The following ADPRHL1 variants were observed in gnomAD, a reference collection of about 807,000 sequenced individuals.
The protein encoded by ADPRHL1 is ADP-ribosylhydrolase like 1.
Under a neutral mutation model 44.1 loss-of-function variants are expected in ADPRHL1, and 43 were observed. The observed-to-expected ratio is 0.98, with a 90% CI of 0.76 to 1.26. ADPRHL1 has a LOEUF of 1.26. Ranked by LOEUF, ADPRHL1 falls within the 50% of genes most tolerant of loss-of-function variation. The pLI, the probability that ADPRHL1 is intolerant of heterozygous loss-of-function variation, is 0.00. For synonymous variants in ADPRHL1, 878 were observed against 1,017.4 expected, an observed-to-expected ratio of 0.86 and a Z score of 2.61; for missense variants, 2,022 against 2,496.9, an observed-to-expected ratio of 0.81 and a Z score of 4.05.
intron 2 of ADPRHL1, among the ~76,000 whole-genome samples, chr13:113,434,970 C>G (rs1595550794): frequency 8.0e-6 from 1 of 124,588 alleles, no homozygotes; most frequent in Non-Finnish European, 1.7e-5. Context: ...TACCCCGGGA[C>G]CCGGCACCCA....
Position 113,453,349 on chromosome 13 carries a change from C to T in ADPRHL1, c.89G>A (p.Gly30Asp), listed in dbSNP as rs2044190721. The change falls in exon 1 of 8, where the codon GGC (glycine) becomes GAC (aspartate). Residue 30 changes from glycine (G) to aspartate (D), a missense_variant. This residue lies in a region of ADPRHL1 where 437 missense variants were observed against 430.7 expected (regional missense o/e 1.01). Coordinates refer to ENST00000612156, the MANE Select transcript of ADPRHL1 (RefSeq NM_001394807.1). This position sits in a 1 kb window ranked among gnomAD's most constrained non-coding sequence, Gnocchi z 5.4. ...TTGCAGCTCCTCCTGGATCTTCATG[C>T]CTACAGTGCTGTTCTCCTTGCAGAC... ...RNVCKENSTV[G>D]MKIQEELQRS... 1 of 1,614,070 alleles carries T rather than the reference C, an allele frequency of 6.2e-7. No homozygotes were observed. The highest frequency in any genetic ancestry group is 8.5e-7 in the Non-Finnish European group (1 of 1,180,042).
At chr13:113,436,814 G>A (rs1319701781) in intron 2 of ADPRHL1, among the ~76,000 whole-genome samples, 1 of 72,098 alleles carries the variant, frequency 1.4e-5, no homozygotes, top group African/African-American at 6.0e-5. Flanking sequence ...GGTGTACCCC[G>A]GGACCCGGCA....
chr13:113,444,844 C>T (rs190452813), intron 1 of ADPRHL1, among the ~76,000 whole-genome samples: 25 of 152,114 alleles, frequency 1.6e-4, no homozygotes, highest in South Asian at 2.1e-4. Context: ...AGGATGGTCT[C>T]GATCTCCTGA....
intron 2 of ADPRHL1, among the ~76,000 whole-genome samples, chr13:113,435,193 C>T (rs77299854): frequency 6.7e-4 from 10 of 14,938 alleles, no homozygotes; most frequent in African/African-American, 1.3e-3. Context: ...AGCACCGAGG[C>T]GTAGAGTGAA....
intron 7 of ADPRHL1, among the ~76,000 whole-genome samples, chr13:113,417,595 G>A (rs2043893225): frequency 6.6e-6 from 1 of 152,232 alleles, no homozygotes; most frequent in South Asian, 2.1e-4. Context: ...GCCCTTGTTT[G>A]CTGACCAGCA....
At chr13:113,430,948 C>T (rs1029620182) in intron 3 of ADPRHL1, among the ~76,000 whole-genome samples, 1 of 152,242 alleles carries the variant, frequency 6.6e-6, no homozygotes, top group Non-Finnish European at 1.5e-5. Context: ...GCCACTCAGT[C>T]CTCACGAGAG....
chr13:113,429,249 C>T (rs2139627063), intron 3 of ADPRHL1, among the ~76,000 whole-genome samples, 157 bp from the exon 4 acceptor site: 1 of 152,336 alleles, frequency 6.6e-6, no homozygotes, highest in East Asian at 1.9e-4. Flanking sequence ...TAACCACGTT[C>T]ACACTGTGGA....
chr13:113,424,903 TCCAC>T, intron 5 of ADPRHL1, 145 bp downstream of exon 5: 1 of 943,698 alleles, frequency 1.1e-6, no homozygotes, highest in Non-Finnish European at 1.6e-6. Flanking sequence ...CACGCACCCT[TCCAC>T]CCACCCATCA....
chr13:113,451,907 G>T (rs1237120537), intron 1 of ADPRHL1, among the ~76,000 whole-genome samples: 1 of 152,226 alleles, frequency 6.6e-6, no homozygotes, highest in East Asian at 1.9e-4. Context: ...CACTTTTGGA[G>T]TGTCCTGTGC....
chr13:113,403,353 C>T lies in ADPRHL1; in HGVS notation c.*25G>A, dbSNP rs145290925. The stretch of plus-strand genomic sequence containing the variant: ...AATGGGCGGATGTCACAGTGCTGGG[C>T]GAGCCACGGTGTGTACTCGGGGCCT... On this transcript the variant is annotated 3_prime_UTR_variant, in exon 8 of 8. Transcript: ENST00000612156. 191 of 1,231,812 alleles carry T rather than the reference C, an allele frequency of 1.6e-4. No homozygotes were observed. The highest frequency in any genetic ancestry group is 9.5e-4 in the East Asian group (30 of 31,698). 76.3% of individuals were successfully genotyped at this position (1,231,812 alleles called of 1,614,324 possible). A position where few individuals can be genotyped will look rare whatever the true frequency, so the allele number is the denominator to read the frequency against.
intron 7 of ADPRHL1, among the ~76,000 whole-genome samples, chr13:113,412,835 G>A (rs1189190920): frequency 2.4e-5 from 2 of 84,592 alleles, no homozygotes; most frequent in Non-Finnish European, 4.8e-5. Context: ...TTCACCCACC[G>A]CCAACAGCGC....
intron 2 of ADPRHL1, among the ~76,000 whole-genome samples, chr13:113,442,503 A>G (rs1162140514): frequency 3.9e-5 from 6 of 152,212 alleles, no homozygotes; most frequent in African/African-American, 1.4e-4. Flanking sequence ...TATTTTTTTC[A>G]GTAGCTTAAT....
chr13:113,444,524 G>C lies in ADPRHL1; in HGVS notation c.280C>G (p.Leu94Val), dbSNP rs952803832. ...GCTGGGTCTGGCCGGCGTTCTGGAAGCTTCTCAACGATTTCCACATAGCAT... is the reference window on the plus strand; with the variant it reads ...GCTGGGTCTGGCCGGCGTTCTGGAACCTTCTCAACGATTTCCACATAGCAT... ...VRCYVEIVEK[L>V]PERRPDPATI... Residue 94 changes from leucine to valine, a missense_variant, in exon 2 of 8, where the codon CTT becomes GTT. Leu to Val is a conservative substitution (Grantham distance 32). This residue lies in a region of ADPRHL1 where 437 missense variants were observed against 430.7 expected (regional missense o/e 1.01). Transcript: ENST00000612156. 1.2e-6 allele frequency: 2 copies of C among 1,614,090 alleles called. No homozygotes were observed. Among genetic ancestry groups the C allele is most frequent in the African/African-American group, 2.7e-5 (2 of 74,908 alleles).
chr13:113,428,242 C>CAAAA (rs67263619), intron 4 of ADPRHL1, among the ~76,000 whole-genome samples: 2,905 of 129,974 alleles, frequency 0.022, 103 homozygotes, highest in Admixed American at 0.08. Flanking sequence ...GATTCCATCT[C>CAAAA]AAAAAAAAAA....
intron 7 of ADPRHL1, among the ~76,000 whole-genome samples, chr13:113,417,229 C>A (rs961591004): frequency 3.3e-5 from 5 of 152,176 alleles, no homozygotes; most frequent in African/African-American, 7.2e-5. Flanking sequence ...GGCTGTCCCC[C>A]CAATCTGCAG....
rs1393565540 is a variant in ADPRHL1 at position 113,403,285 on chromosome 13, C to T, written c.*93G>A. ...GAAACAGGCGTCTCTGTAGGGGATG[C>T]TCCAAGACGCATTTGGAGGCAGGAA... On this transcript the variant is annotated 3_prime_UTR_variant, in exon 8 of 8. Transcript: ENST00000612156. The T allele has an allele frequency of 3.7e-6, 4 of 1,066,964 alleles. No homozygotes were observed. Among genetic ancestry groups the T allele is most frequent in the Non-Finnish European group, 4.8e-6 (4 of 838,166 alleles). The allele number at this position is 1,066,964 out of a possible 1,614,324, so 66.1% of individuals were successfully genotyped here.
At position 113,409,614 on chromosome 13, in the gene ADPRHL1, G is replaced by C. The variant is rs569689544; in HGVS notation, c.1062-1394C>G. On this transcript the variant is annotated intron_variant, in intron 7 of 7. Transcript: ENST00000612156. The surrounding 1 kb of genome is among the most constrained non-coding windows in gnomAD (Gnocchi z 4.2). The stretch of plus-strand genomic sequence containing the variant: ...TTTTAAGAAGCTGAGGCCGGGCGCC[G>C]TGGCTCACGCCTGTAATCTCAGCGT... 2 of 985,366 alleles carry C rather than the reference G, an allele frequency of 2.0e-6. No individual in the cohort carries two copies. The highest frequency in any genetic ancestry group is 3.5e-5 in the African/African-American group (2 of 57,350). 61.0% of individuals were successfully genotyped at this position (985,366 alleles called of 1,614,324 possible).
chr13:113,451,700 C>T (rs1319473391), intron 1 of ADPRHL1, among the ~76,000 whole-genome samples: 2 of 152,076 alleles, frequency 1.3e-5, no homozygotes, highest in African/African-American at 4.8e-5. Context: ...CCCAGCTACT[C>T]AGGAGGCTGA....
intron 4 of ADPRHL1, among the ~76,000 whole-genome samples, chr13:113,428,580 G>A (rs549747019): frequency 2.0e-5 from 3 of 152,346 alleles, no homozygotes; most frequent in African/African-American, 7.2e-5. Flanking sequence ...CGCCCAAACC[G>A]GCAGAAGCAG....
Sources: gnomAD v4.1 joint callset for allele counts (sites outside exome capture counted in the v4.1 genomes callset) on GRCh38, gnomAD v4.1.1 for gene constraint, gnomAD v4.1.1 regional missense constraint, Gnocchi (gnomAD v3.1) non-coding constraint, MANE v1.5 for transcripts, NCBI Gene and HGNC (gene_info 2026-07-23, HGNC 2026-07-21) for gene names.